Variants in CNGB3 observed in about 807,000 individuals in gnomAD.
CNGB3 encodes the protein cyclic nucleotide gated channel subunit beta 3, also known as cyclic nucleotide-gated channel beta-3.
In CNGB3, 86 loss-of-function variants were observed where a neutral mutation model predicts 92.8. The observed-to-expected ratio is 0.93, with a 90% CI of 0.78 to 1.11. CNGB3 has a LOEUF of 1.11. Ranked by LOEUF, CNGB3 falls within the 50% of genes least tolerant of loss-of-function variation. The pLI is 0.00. For synonymous variants in CNGB3, 333 were observed against 332.7 expected (o/e 1.00, Z -0.01); for missense variants, 1,026 against 956.8 (o/e 1.07, Z -0.95).
intron 6 of CNGB3, chr8:86,661,988 C>T: frequency 2.2e-6 from 1 of 452,138 alleles, no homozygotes; most frequent in Non-Finnish European, 4.0e-6. Context: ...GGTGTCTTGT[C>T]CACAGGAGAT....
intron 6 of CNGB3, among the ~76,000 whole-genome samples, chr8:86,655,447 T>C (rs1231723282): frequency 6.6e-6 from 1 of 152,200 alleles, no homozygotes; most frequent in African/African-American, 2.4e-5. Flanking sequence ...CTCAAATGCG[T>C]CAGAGGGATG....
chr8:86,627,880 C>T (rs1387533278), intron 12 of CNGB3, among the ~76,000 whole-genome samples: 3 of 152,198 alleles, frequency 2.0e-5, no homozygotes, highest in African/African-American at 2.4e-5. Context: ...TCCGCCTCTG[C>T]TACACCTGAG....
intron 10 of CNGB3, among the ~76,000 whole-genome samples, chr8:86,633,728 G>A (rs1428498794): frequency 6.6e-6 from 1 of 152,176 alleles, no homozygotes; most frequent in Non-Finnish European, 1.5e-5. Flanking sequence ...CTACACTATT[G>A]ATTTGTGGGA....
At chr8:86,693,652 C>G (rs1260910297) in intron 3 of CNGB3, among the ~76,000 whole-genome samples, 12 of 150,808 alleles carry the variant, frequency 8.0e-5, no homozygotes, top group Non-Finnish European at 1.2e-4. Flanking sequence ...TGACTCTTAA[C>G]GAGCATGCTG....
In CNGB3 at chr8:86,629,161, T is replaced by C. The variant is rs528010122; in HGVS notation, c.1321-83A>G. 6 of 1,395,082 alleles carry C rather than the reference T, an allele frequency of 4.3e-6. No homozygotes were observed. In the African/African-American group the frequency reaches 7.1e-5, roughly 16 times the overall value. The allele number at this position is 1,395,082 out of a possible 1,614,324, so 86.4% of individuals were successfully genotyped here. ...CAAATTACATGTTTTCCACATGATA[T>C]ACTTCCTTCTAATGCCCTGATTACT... On this transcript the variant is annotated intron_variant, in intron 11 of 17. Transcript: ENST00000320005.
chr8:86,740,834 A>T (rs911700926), intron 1 of CNGB3, among the ~76,000 whole-genome samples: 1 of 152,204 alleles, frequency 6.6e-6, no homozygotes, highest in Non-Finnish European at 1.5e-5. Context: ...GCTAGTTTAT[A>T]TGAACGTAGC....
chr8:86,583,913 C>T (rs897903405), intron 15 of CNGB3, among the ~76,000 whole-genome samples: 1 of 91,794 alleles, frequency 1.1e-5, no homozygotes, highest in Non-Finnish European at 2.0e-5. Flanking sequence ...CAGAGTGAGA[C>T]CTTGTCTCAA....
At chr8:86,633,611 T>C (rs1164858447) in intron 10 of CNGB3, among the ~76,000 whole-genome samples, 1 of 152,186 alleles carries the variant, frequency 6.6e-6, no homozygotes, top group Non-Finnish European at 1.5e-5. Flanking sequence ...TGTCACATTG[T>C]ATTTGTCAGT....
At chr8:86,677,518 T>C (rs972672192) in intron 3 of CNGB3, among the ~76,000 whole-genome samples, 1 of 152,092 alleles carries the variant, frequency 6.6e-6, no homozygotes, top group Non-Finnish European at 1.5e-5. Context: ...GAGGATGTGG[T>C]GGGAATGATA....
chr8:86,619,306 TAATA>T (rs1049763285), intron 13 of CNGB3, among the ~76,000 whole-genome samples: 1 of 152,168 alleles, frequency 6.6e-6, no homozygotes, highest in African/African-American at 2.4e-5. Flanking sequence ...GAGATCGAAA[TAATA>T]AATCATCAGA....
At chr8:86,662,586 G>A (rs1212621321) in intron 6 of CNGB3, among the ~76,000 whole-genome samples, 1 of 152,204 alleles carries the variant, frequency 6.6e-6, no homozygotes, top group African/African-American at 2.4e-5. Context: ...TACTGCGATA[G>A]CCAGGTGGGA....
At chr8:86,625,950 G>A in intron 13 of CNGB3, 33 bp downstream of exon 13, 1 of 1,512,774 alleles carries the variant, frequency 6.6e-7, no homozygotes, top group South Asian at 1.1e-5. Flanking sequence ...TAGAGAAATA[G>A]ATACAGAGTC....
intron 3 of CNGB3, among the ~76,000 whole-genome samples, chr8:86,687,792 T>C (rs1824218672): frequency 6.6e-6 from 1 of 152,020 alleles, no homozygotes; most frequent in African/African-American, 2.4e-5. Context: ...GCTGGAGATA[T>C]AAAGACCTTG....
At chr8:86,682,980 A>T (rs1256597493) in intron 3 of CNGB3, among the ~76,000 whole-genome samples, 1 of 152,112 alleles carries the variant, frequency 6.6e-6, no homozygotes, top group Non-Finnish European at 1.5e-5. Flanking sequence ...ACCACTTAGA[A>T]ATTAGGAGGT....
At chr8:86,667,266 C>G (rs1823762084) in intron 5 of CNGB3, 133 bp from the exon 6 acceptor site, 3 of 747,156 alleles carry the variant, frequency 4.0e-6, no homozygotes, top group Middle Eastern at 3.5e-4. Context: ...ATTAAACATT[C>G]AACACCATTC....
chr8:86,591,810 C>T (rs1330081101), intron 15 of CNGB3, among the ~76,000 whole-genome samples: 1 of 152,120 alleles, frequency 6.6e-6, no homozygotes, highest in African/African-American at 2.4e-5. Context: ...TGTGCCCTGC[C>T]CCCAGAGGTG....
Position 86,597,149 on chromosome 8 carries a change from T to C in CNGB3, c.1781+6944A>G, listed in dbSNP as rs147580360. Among the ~76,000 whole-genome samples, 471 of 152,312 alleles carry C rather than the reference T, an allele frequency of 3.1e-3. 2 individuals carry two copies. The highest frequency in any genetic ancestry group is 9.3e-3 in the African/African-American group (387 of 41,570). Reference sequence around the variant, plus strand: ...AACAAACCTGCATGTTGTGCACATGTACCCCAGAACGTAAAGTATAATAAA... The same window carrying C: ...AACAAACCTGCATGTTGTGCACATGCACCCCAGAACGTAAAGTATAATAAA... On this transcript the variant is annotated intron_variant, in intron 15 of 17. Transcript: ENST00000320005.
At chr8:86,717,584 G>A (rs962904884) in intron 3 of CNGB3, among the ~76,000 whole-genome samples, 37 of 146,286 alleles carry the variant, frequency 2.5e-4, no homozygotes, top group African/African-American at 9.3e-4. Context: ...AAAAAAAATC[G>A]AGGACTTTAA....
chr8:86,608,907 G>T (rs1017918420), intron 14 of CNGB3, among the ~76,000 whole-genome samples: 5 of 152,088 alleles, frequency 3.3e-5, no homozygotes, highest in African/African-American at 1.2e-4. Context: ...CGGTCTCCGC[G>T]CATTGGTGGT....
Sources: allele counts gnomAD v4.1 joint callset (sites outside exome capture counted in the v4.1 genomes callset), GRCh38; gene constraint gnomAD v4.1.1; transcripts MANE v1.5; gene names NCBI Gene and HGNC (gene_info 2026-07-23, HGNC 2026-07-21).